The following ZNF385B variants were observed in gnomAD, a reference collection of about 807,000 sequenced individuals.
The protein encoded by ZNF385B is zinc finger protein 533.
In ZNF385B, 23 loss-of-function variants were observed where a neutral mutation model predicts 39.2. The observed-to-expected ratio is 0.59, with a 90% CI of 0.42 to 0.83. The LOEUF is 0.83. Among genes scored for constraint, ZNF385B ranks in the 40% least tolerant of loss-of-function variants. The pLI is 0.00. For missense variants in ZNF385B, 552 were observed against 598.9 expected, an observed-to-expected ratio of 0.92 and a Z score of 0.82; for synonymous variants, 205 against 222.6, an observed-to-expected ratio of 0.92 and a Z score of 0.70.
chr2:179,459,622 T>G (rs1005744679), intron 6 of ZNF385B, among the ~76,000 whole-genome samples: 1 of 143,360 alleles, frequency 7.0e-6, no homozygotes, highest in Non-Finnish European at 1.5e-5. Context: ...TGTGTATGTG[T>G]GTGTGGATTT....
chr2:179,714,341 C>A (rs1700184968), intron 3 of ZNF385B, among the ~76,000 whole-genome samples: 1 of 152,166 alleles, frequency 6.6e-6, no homozygotes, highest in African/African-American at 2.4e-5. Flanking sequence ...ATTTTATGTA[C>A]ATGGCAACTG....
intron 5 of ZNF385B, among the ~76,000 whole-genome samples, chr2:179,516,751 T>G (rs554904320): frequency 6.6e-6 from 1 of 152,222 alleles, no homozygotes; most frequent in East Asian, 1.9e-4. Context: ...AGTAGAAGTT[T>G]TAAATTTTGA....
At chr2:179,610,777 A>C (rs1297485548) in intron 3 of ZNF385B, among the ~76,000 whole-genome samples, 1 of 151,926 alleles carries the variant, frequency 6.6e-6, no homozygotes, top group Non-Finnish European at 1.5e-5. Context: ...TCCTTGGTTA[A>C]TTCCTAGGTA....
intron 6 of ZNF385B, among the ~76,000 whole-genome samples, chr2:179,479,306 A>G (rs2053742295): frequency 6.6e-6 from 1 of 152,234 alleles, no homozygotes; most frequent in African/African-American, 2.4e-5. Flanking sequence ...CCTGAAAGAA[A>G]AAAAAGAAAG....
chr2:179,724,162 C>G (rs1559132270), intron 3 of ZNF385B, among the ~76,000 whole-genome samples: 1 of 151,838 alleles, frequency 6.6e-6, no homozygotes, highest in Non-Finnish European at 1.5e-5. Flanking sequence ...TACAAAAATT[C>G]ACCGGGCATG....
chr2:179,790,088 T>C (rs1698941050), intron 1 of ZNF385B, among the ~76,000 whole-genome samples: 1 of 152,212 alleles, frequency 6.6e-6, no homozygotes, highest in South Asian at 2.1e-4. Flanking sequence ...AAGTAGGGCA[T>C]TAAGTAGCTT....
intron 3 of ZNF385B, among the ~76,000 whole-genome samples, chr2:179,642,312 T>C (rs1692336358): frequency 6.6e-6 from 1 of 152,178 alleles, no homozygotes; most frequent in Non-Finnish European, 1.5e-5. Flanking sequence ...GCTTCCCTTC[T>C]GATGGTCAAT....
intron 3 of ZNF385B, among the ~76,000 whole-genome samples, chr2:179,758,450 A>G (rs1427288565): frequency 6.6e-6 from 1 of 152,214 alleles, no homozygotes; most frequent in Non-Finnish European, 1.5e-5. Flanking sequence ...AGCCTCTTTT[A>G]TAAGAGCACT....
chr2:179,552,720 CA>C (rs1271323583), intron 3 of ZNF385B, among the ~76,000 whole-genome samples: 3 of 148,938 alleles, frequency 2.0e-5, no homozygotes, highest in Non-Finnish European at 4.4e-5. Context: ...AAGAGACTAT[CA>C]AAGCATGGCC....
At chr2:179,563,704 T>G (rs935488323) in intron 3 of ZNF385B, among the ~76,000 whole-genome samples, 1 of 152,108 alleles carries the variant, frequency 6.6e-6, no homozygotes, top group African/African-American at 2.4e-5. Flanking sequence ...AAATGAAACA[T>G]AGTATGCTAG....
At chr2:179,807,434 C>A (rs1706424399) in intron 1 of ZNF385B, among the ~76,000 whole-genome samples, 1 of 151,692 alleles carries the variant, frequency 6.6e-6, no homozygotes, top group Non-Finnish European at 1.5e-5. Flanking sequence ...ACCATCTCTA[C>A]TAAAAATACA....
chr2:179,494,972 G>C (rs926785521), intron 5 of ZNF385B, among the ~76,000 whole-genome samples: 2 of 151,738 alleles, frequency 1.3e-5, no homozygotes, highest in Non-Finnish European at 2.9e-5. Flanking sequence ...TTCTGCTTGA[G>C]AAAAACAGAG....
chr2:179,652,949 G>T (rs966460554), intron 3 of ZNF385B, among the ~76,000 whole-genome samples: 2 of 151,882 alleles, frequency 1.3e-5, no homozygotes, highest in African/African-American at 4.8e-5. Context: ...GACGTAAACT[G>T]CTTAAGGACA....
chr2:179,487,616 A>G (rs1265420204), intron 5 of ZNF385B, among the ~76,000 whole-genome samples: 1 of 152,242 alleles, frequency 6.6e-6, no homozygotes, highest in African/African-American at 2.4e-5. Flanking sequence ...CGTCAAGCCC[A>G]TCAACAATGG....
chr2:179,739,947 G>C (rs1234699513), intron 3 of ZNF385B, among the ~76,000 whole-genome samples: 1 of 151,982 alleles, frequency 6.6e-6, no homozygotes, highest in Non-Finnish European at 1.5e-5. Flanking sequence ...AAAGCTCCTA[G>C]ATTAAGAGTT....
At chr2:179,635,013 G>C (rs1257163002) in intron 3 of ZNF385B, among the ~76,000 whole-genome samples, 1 of 150,578 alleles carries the variant, frequency 6.6e-6, no homozygotes, top group African/African-American at 2.4e-5. Context: ...GTGGTGGCAG[G>C]TGCCTGTATT....
intron 3 of ZNF385B, among the ~76,000 whole-genome samples, chr2:179,546,522 A>G (rs2060244700): frequency 6.6e-6 from 1 of 152,184 alleles, no homozygotes; most frequent in East Asian, 1.9e-4. Context: ...AACGTCCTCT[A>G]GTTTCATCCA....
intron 4 of ZNF385B, among the ~76,000 whole-genome samples, chr2:179,524,551 C>CAAAAAAAAAAAAAAAAAAA (rs770219234): frequency 1.3e-4 from 8 of 60,990 alleles, no homozygotes; most frequent in African/African-American, 6.2e-4. Flanking sequence ...GACTCCGTCT[C>CAAAAAAAAAAAAAAAAAAA]AAAAAAAAAA....
In ZNF385B at chr2:179,703,394, C is replaced by T. The variant is rs571696103; in HGVS notation, c.298+66109G>A. Among the ~76,000 whole-genome samples the T allele has an allele frequency of 8.5e-5, 13 of 152,156 alleles. No individual in the cohort carries two copies. In the South Asian group the frequency reaches 2.5e-3, roughly 29 times the overall value. On this transcript the variant is annotated intron_variant, in intron 3 of 9. Transcript: ENST00000410066. ...ACCCCACTCTTTCAACATACACGCACTTCAAAACCCTCTTCCTTAATTTTC... is the reference window on the plus strand; with the variant it reads ...ACCCCACTCTTTCAACATACACGCATTTCAAAACCCTCTTCCTTAATTTTC...
Sources: allele counts gnomAD v4.1 joint callset (sites outside exome capture counted in the v4.1 genomes callset), GRCh38; gene constraint gnomAD v4.1.1; transcripts MANE v1.5; gene names NCBI Gene and HGNC (gene_info 2026-07-23, HGNC 2026-07-21).